The following LAMA2 variants were observed in gnomAD, a reference collection of about 807,000 sequenced individuals.
The protein encoded by LAMA2 is laminin subunit alpha-2.
LAMA2 carries 269 observed loss-of-function variants against 364.8 expected under a neutral mutation model. The observed-to-expected ratio is 0.74, with a 90% CI of 0.67 to 0.82. The LOEUF is 0.82. Ranked by LOEUF, LAMA2 falls within the 40% of genes least tolerant of loss-of-function variation. The probability of loss-of-function intolerance (pLI) is 0.00; values close to 1 mark genes in which losing one functional copy is unlikely to be tolerated. For synonymous variants in LAMA2, 1,379 were observed against 1,370.6 expected, an observed-to-expected ratio of 1.01 and a Z score of -0.14; for missense variants, 3,807 against 3,873.2, an observed-to-expected ratio of 0.98 and a Z score of 0.45.
intron 29 of LAMA2, among the ~76,000 whole-genome samples, chr6:129,338,947 G>A (rs1372896161): frequency 1.3e-5 from 2 of 150,092 alleles, no homozygotes; most frequent in Non-Finnish European, 3.0e-5. Context: ...CATATGGAGG[G>A]GTAAGCACAG....
At position 129,145,685 on chromosome 6, in the gene LAMA2, T is replaced by C. The variant is rs532763483; in HGVS notation, c.820-1274T>C. ...TATAACTTTATCGTACATGAGTCTT[T>C]AAAATAATGCAGTATAAGTCAACAT... is the stretch of plus-strand genomic sequence containing the variant. On this transcript the variant is annotated intron_variant, in intron 5 of 64. Coordinates refer to ENST00000421865, the MANE Select transcript of LAMA2 (RefSeq NM_000426.4). Among the ~76,000 whole-genome samples the C allele has an allele frequency of 2.7e-3, 410 of 152,060 alleles. 1 individual carries two copies. The highest frequency in any genetic ancestry group is 9.5e-3 in the African/African-American group (393 of 41,532).
intron 40 of LAMA2, among the ~76,000 whole-genome samples, chr6:129,424,433 A>G (rs2114734987): frequency 6.6e-6 from 1 of 151,992 alleles, no homozygotes; most frequent in South Asian, 2.1e-4. Flanking sequence ...TTTTAAGAAA[A>G]TGAAAAGATA....
chr6:129,456,515 C>T (rs1325132892), intron 48 of LAMA2, 21 bp downstream of exon 48: 2 of 1,604,666 alleles, frequency 1.2e-6, no homozygotes, highest in Non-Finnish European at 1.7e-6. Flanking sequence ...CATCCTCCTC[C>T]TGTTTATTTC....
At chr6:129,210,705 G>GT (rs896211230) in intron 12 of LAMA2, among the ~76,000 whole-genome samples, 10 of 152,186 alleles carry the variant, frequency 6.6e-5, no homozygotes, top group African/African-American at 2.4e-4. Flanking sequence ...CTGTTGGGAA[G>GT]AGGTTATAAT....
At chr6:129,107,249 A>G (rs1464745571) in intron 4 of LAMA2, among the ~76,000 whole-genome samples, 21 of 152,166 alleles carry the variant, frequency 1.4e-4, no homozygotes, top group East Asian at 1.9e-4. Flanking sequence ...ACGTGGTTAT[A>G]ATAACGATCA....
At chr6:129,079,553 G>T (rs1397426381) in intron 3 of LAMA2, among the ~76,000 whole-genome samples, 71 of 139,878 alleles carry the variant, frequency 5.1e-4, no homozygotes, top group African/African-American at 1.4e-3. Context: ...TTCTTTTTCT[G>T]TTTTTTTTTT....
At chr6:128,944,554 G>T (rs1780374409) in intron 1 of LAMA2, among the ~76,000 whole-genome samples, 1 of 151,970 alleles carries the variant, frequency 6.6e-6, no homozygotes, top group African/African-American at 2.4e-5. Flanking sequence ...CAGGATTTTG[G>T]GAGGCCGAGG....
chr6:129,030,222 A>AT (rs143014587), intron 1 of LAMA2, among the ~76,000 whole-genome samples: 13 of 151,926 alleles, frequency 8.6e-5, no homozygotes, highest in East Asian at 7.7e-4. Context: ...TACTTTGATT[A>AT]TTTTTTTTAA....
chr6:129,190,696 T>C (rs940413960), intron 11 of LAMA2, among the ~76,000 whole-genome samples: 2 of 152,206 alleles, frequency 1.3e-5, no homozygotes, highest in Admixed American at 1.3e-4. Context: ...ATTACTAGTA[T>C]GTTCGTATGC....
intron 3 of LAMA2, among the ~76,000 whole-genome samples, chr6:129,068,190 C>T (rs1383682321): frequency 3.3e-5 from 5 of 152,186 alleles, no homozygotes; most frequent in Admixed American, 6.5e-5. Context: ...ATTTAAGAAT[C>T]TTATTGAATC....
intron 3 of LAMA2, among the ~76,000 whole-genome samples, chr6:129,095,278 A>G (rs1775100614): frequency 6.6e-6 from 1 of 152,198 alleles, no homozygotes; most frequent in Admixed American, 6.5e-5. Flanking sequence ...TTTGGAAACA[A>G]AAGACATCAT....
chr6:129,393,369 C>A (rs1779430138), intron 37 of LAMA2, 114 bp downstream of exon 37: 2 of 820,914 alleles, frequency 2.4e-6, no homozygotes. Context: ...TCAAGAGTGA[C>A]AACTCTGAAA....
At chr6:129,188,542 T>C (rs1035637193) in intron 10 of LAMA2, among the ~76,000 whole-genome samples, 1 of 151,954 alleles carries the variant, frequency 6.6e-6, no homozygotes, top group African/African-American at 2.4e-5. Flanking sequence ...TTCATCTTTC[T>C]TGCCTTTATA....
intron 1 of LAMA2, among the ~76,000 whole-genome samples, chr6:128,967,889 T>C (rs1473048283): frequency 6.6e-6 from 1 of 152,176 alleles, no homozygotes; most frequent in Non-Finnish European, 1.5e-5. Flanking sequence ...ATTTCTATTA[T>C]TCAGTCTTAG....
At chr6:129,502,528 T>C (rs1785726745) in intron 58 of LAMA2, 131 bp from the exon 59 acceptor site, 1 of 700,344 alleles carries the variant, frequency 1.4e-6, no homozygotes, top group Non-Finnish European at 2.6e-6. Flanking sequence ...TGCAGTAGAC[T>C]ACAGAGATGA....
intron 7 of LAMA2, among the ~76,000 whole-genome samples, chr6:129,153,801 C>T (rs6569585): frequency 0.32 from 47,883 of 151,924 alleles, 10,191 homozygotes; most frequent in African/African-American, 0.62. Flanking sequence ...ATTATACATA[C>T]TTTTCTTTAC....
Position 129,401,248 on chromosome 6 carries a change from G to A in LAMA2, c.5470G>A (p.Gly1824Ser), listed in dbSNP as rs370150883. Residue 1824 changes from glycine to serine, a missense_variant, in exon 38 of 65, where the codon GGC (glycine) becomes AGC (serine). This residue lies in a region of LAMA2 where 3,333 missense variants were observed against 3,345.7 expected (regional missense o/e 1.00). Transcript: ENST00000421865. ...LEKKKEAVES[G>S]KRQIENTLKE... ...GAAAAAGAAGGAGGCTGTTGAAAGC[G>A]GCAAACGACAAATTGAGAACACTTT... 59 of 1,609,888 alleles carry A rather than the reference G, an allele frequency of 3.7e-5. 1 individual carries two copies. Among genetic ancestry groups the A allele is most frequent in the African/African-American group, 2.7e-4 (20 of 74,764 alleles).
At chr6:129,451,641 G>A (rs1017852638) in intron 45 of LAMA2, among the ~76,000 whole-genome samples, 5 of 152,182 alleles carry the variant, frequency 3.3e-5, no homozygotes, top group African/African-American at 7.2e-5. Flanking sequence ...TGTGGGAGAC[G>A]TAACAGATCT....
chr6:129,088,373 A>G (rs544854085), intron 3 of LAMA2, among the ~76,000 whole-genome samples: 1 of 151,972 alleles, frequency 6.6e-6, no homozygotes, highest in Admixed American at 6.5e-5. Flanking sequence ...CAAAACCACC[A>G]TCATCATCAT....
Sources: gnomAD v4.1 joint callset for allele counts (sites outside exome capture counted in the v4.1 genomes callset) on GRCh38, gnomAD v4.1.1 for gene constraint, gnomAD v4.1.1 regional missense constraint, MANE v1.5 for transcripts, NCBI Gene and HGNC (gene_info 2026-07-23, HGNC 2026-07-21) for gene names.